Variants in CLTCL1 observed in about 807,000 individuals in gnomAD.
CLTCL1 encodes clathrin heavy chain 2.
CLTCL1 carries 159 observed loss-of-function variants against 190.0 expected under a neutral mutation model. That is an observed-to-expected ratio of 0.84 (90% CI 0.74 to 0.95). The LOEUF is 0.95. CLTCL1 is among the 40% of genes least tolerant of loss of function. CLTCL1 has a pLI of 0.00. For missense variants in CLTCL1, 1,878 were observed against 2,033.4 expected (o/e 0.92, Z 1.47); for synonymous variants, 752 against 769.6 (o/e 0.98, Z 0.38).
chr22:19,255,462 C>A (rs563669486), intron 2 of CLTCL1, among the ~76,000 whole-genome samples: 1 of 152,002 alleles, frequency 6.6e-6, no homozygotes, highest in Admixed American at 6.6e-5. Context: ...ACTTGAGAGG[C>A]TGAGGCAGGA....
chr22:19,205,091 T>TA (rs34862446), intron 22 of CLTCL1, among the ~76,000 whole-genome samples: 99,536 of 149,582 alleles, frequency 0.67, 33,726 homozygotes, highest in East Asian at 0.89. Flanking sequence ...GATCACTGAT[T>TA]AAAAAAAAAA....
At chr22:19,258,273 TG>T (rs1452876494) in intron 2 of CLTCL1, 3 of 355,366 alleles carry the variant, frequency 8.4e-6, no homozygotes, top group Non-Finnish European at 1.1e-5. Flanking sequence ...GGCAGATATC[TG>T]GGCCCAATAT....
intron 22 of CLTCL1, among the ~76,000 whole-genome samples, chr22:19,202,079 C>T (rs782422041): frequency 2.6e-5 from 4 of 152,036 alleles, no homozygotes; most frequent in South Asian, 2.1e-4. Context: ...CCATCCTGAG[C>T]GCCTCAACTC....
Position 19,275,753 on chromosome 22 carries a change from GATAC to G in CLTCL1, c.116_119del (p.Cys39SerfsTer16). 1 of 1,610,036 alleles carries G rather than the reference GATAC, an allele frequency of 6.2e-7. No homozygotes were observed. Among genetic ancestry groups the G allele is most frequent in the East Asian group, 2.2e-5 (1 of 44,782 alleles). On this transcript the variant is annotated frameshift_variant, in exon 2 of 33. Transcript: ENST00000427926. LOFTEE classifies it high-confidence loss of function. ...GTGCCTGCTCACCAACTTTCTCTCG[GATAC>G]ATATGAACTTGTCAGATTCCATGGT... is the stretch of plus-strand genomic sequence containing the variant.
chr22:19,180,856 G>C (rs782611589), intron 30 of CLTCL1, 50 bp from the exon 31 acceptor site: 1 of 1,546,416 alleles, frequency 6.5e-7, no homozygotes. Context: ...AGTGCAGTCC[G>C]GCCTCTAGGT....
chr22:19,188,620 T>C (rs1012225694), intron 27 of CLTCL1, among the ~76,000 whole-genome samples: 3 of 151,216 alleles, frequency 2.0e-5, no homozygotes, highest in South Asian at 2.1e-4. Context: ...TTTTCTTTTT[T>C]TTTTTTTTTT....
Position 19,229,731 on chromosome 22 carries a change from A to T in CLTCL1, c.1782+107T>A, listed in dbSNP as rs531384961. 6.0e-4 allele frequency: 682 copies of T among 1,133,626 alleles called. 2 individuals are homozygous for T. The highest frequency in any genetic ancestry group is 3.5e-3 in the South Asian group (171 of 48,578). The allele number at this position is 1,133,626 out of a possible 1,614,324, so 70.2% of individuals were successfully genotyped here. A position where few individuals can be genotyped will look rare whatever the true frequency, so the allele number is the denominator to read the frequency against. On this transcript the variant is annotated intron_variant, in intron 11 of 32. Transcript: ENST00000427926. ...GTCCACTGAGAAGTACAAGATAAAC[A>T]TCTGGCACAAGCCCAGCCCAGTCCA...
intron 1 of CLTCL1, among the ~76,000 whole-genome samples, chr22:19,287,021 T>C (rs1224037809): frequency 6.6e-6 from 1 of 152,162 alleles, no homozygotes; most frequent in Non-Finnish European, 1.5e-5. Flanking sequence ...GCTTACAAAC[T>C]TGGAGCTGCT....
At chr22:19,184,833 C>T (rs533703868) in intron 29 of CLTCL1, 2 of 332,766 alleles carry the variant, frequency 6.0e-6, no homozygotes, top group South Asian at 4.6e-5. Flanking sequence ...TCGAGTCAGG[C>T]TCTCCCACAC....
intron 1 of CLTCL1, among the ~76,000 whole-genome samples, chr22:19,286,674 T>C (rs1450395366): frequency 1.3e-5 from 2 of 152,128 alleles, no homozygotes; most frequent in Non-Finnish European, 2.9e-5. Context: ...ACCTTCACAG[T>C]TTTACTTTCC....
intron 29 of CLTCL1, 47 bp from the exon 30 acceptor site, chr22:19,183,658 T>G: frequency 6.3e-7 from 1 of 1,578,720 alleles, no homozygotes; most frequent in Non-Finnish European, 8.7e-7. Flanking sequence ...AGGCAGAGGC[T>G]TTGTGCCTGC....
At chr22:19,242,584 C>T (rs1303839747) in intron 4 of CLTCL1, among the ~76,000 whole-genome samples, 191 bp downstream of exon 4, 1 of 152,206 alleles carries the variant, frequency 6.6e-6, no homozygotes. Flanking sequence ...TGAGCCACCG[C>T]GCCCAGCCTG....
At chr22:19,269,056 C>T (rs2793056) in intron 2 of CLTCL1, among the ~76,000 whole-genome samples, 9,141 of 148,814 alleles carry the variant, frequency 0.061, 338 homozygotes, top group Middle Eastern at 0.16. Flanking sequence ...CGCCACTGCA[C>T]TCCAGCCTGG....
At position 19,234,567 on chromosome 22, in the gene CLTCL1, G is replaced by GT; in HGVS notation, c.1108dup (p.Thr370AsnfsTer10). The GT allele has an allele frequency of 6.2e-7, 1 of 1,614,014 alleles. No individual in the cohort carries two copies. Among genetic ancestry groups the GT allele is most frequent in the Non-Finnish European group, 8.5e-7 (1 of 1,179,896 alleles). On this transcript the variant is annotated frameshift_variant, in exon 7 of 33. Coordinates refer to ENST00000427926, the MANE Select transcript of CLTCL1 (RefSeq NM_007098.4). LOFTEE classifies it high-confidence loss of function. ...AGCATAGCTGCCCTGTGCAAAGAGG[G>GT]TATTGAATTTTCTCACAAACAACTT... is the stretch of plus-strand genomic sequence containing the variant.
rs1555961517 is a variant in CLTCL1 at position 19,235,538 on chromosome 22, G to GTT, written c.969+157_969+158insAA. ...TGTTAGGAATGGTGCTGTCTGAAGAGAGGAAGTGTCAATATGAAGGAGGAG... is the reference window on the plus strand; with the variant it reads ...TGTTAGGAATGGTGCTGTCTGAAGAGTTAGGAAGTGTCAATATGAAGGAGGAG... On this transcript the variant is annotated intron_variant, in intron 6 of 32. Coordinates refer to ENST00000427926, the MANE Select transcript of CLTCL1 (RefSeq NM_007098.4). Among the ~76,000 whole-genome samples the GTT allele has an allele frequency of 2.6e-5, 4 of 152,208 alleles. No individual in the cohort carries two copies. In the East Asian group the frequency reaches 7.7e-4, roughly 29 times the overall value.
chr22:19,209,105 C>T lies in CLTCL1; in HGVS notation c.3259G>A (p.Glu1087Lys), dbSNP rs34486244. 24,528 of 1,601,136 alleles carry T rather than the reference C, an allele frequency of 0.015. 244 individuals are homozygous for T. The highest frequency in any genetic ancestry group is 0.018 in the Non-Finnish European group (20,945 of 1,173,204). ...GCCCGGTCCAGGTTTCCAATGTGCT[C>T]GATCAGGACCTAGGGGTTATGAGAG... ...MNASAIQVLIEHIGNLDRAYE... is the reference protein window; with the variant it reads ...MNASAIQVLIKHIGNLDRAYE... Residue 1087 changes from glutamate to lysine, a missense_variant, in exon 21 of 33, where the codon GAG becomes AAG. Physicochemically the swap from Glu to Lys is moderately conservative, Grantham distance 56. Transcript: ENST00000427926.
At chr22:19,225,928 T>C (rs2085728679) in intron 12 of CLTCL1, among the ~76,000 whole-genome samples, 1 of 152,240 alleles carries the variant, frequency 6.6e-6, no homozygotes, top group Non-Finnish European at 1.5e-5. Context: ...TTTCAGACAG[T>C]CCTATTAGGT....
intron 2 of CLTCL1, 26 bp from the exon 3 acceptor site, chr22:19,254,253 G>A (rs782345221): frequency 1.3e-6 from 2 of 1,566,954 alleles, no homozygotes; most frequent in Non-Finnish European, 8.7e-7. Flanking sequence ...ATAGAGATTA[G>A]AGAAAGACAA....
rs1209095940 is a variant in CLTCL1, at chr22:19,183,223, C to T, written c.4827+167G>A. The T allele has an allele frequency of 6.5e-6, 4 of 617,272 alleles. No individual in the cohort carries two copies. In the African/African-American group the frequency reaches 7.4e-5, roughly 11 times the overall value. The allele number at this position is 617,272 out of a possible 1,614,324, so 38.2% of individuals were successfully genotyped here. A position where few individuals can be genotyped will look rare whatever the true frequency, so the allele number is the denominator to read the frequency against. ...AGGGGCTTAACGTTGGGCAGAAAAC[C>T]ACTTCAGCATGAAGGAAAGCAGCCA... On this transcript the variant is annotated intron_variant, in intron 30 of 32. Transcript: ENST00000427926.
Sources: allele counts gnomAD v4.1 joint callset (sites outside exome capture counted in the v4.1 genomes callset), GRCh38; gene constraint gnomAD v4.1.1; transcripts MANE v1.5; gene names NCBI Gene and HGNC (gene_info 2026-07-23, HGNC 2026-07-21).